LRRC4C: variants seen among roughly 807,000 people sequenced by gnomAD.
The protein encoded by LRRC4C is leucine rich repeat containing 4C, also known as leucine-rich repeat-containing protein 4C.
A neutral mutation model predicts 33.6 loss-of-function variants in LRRC4C; 5 were observed. The ratio of observed to expected loss-of-function variants is 0.15; its 90% CI spans 0.08 to 0.31. The LOEUF is 0.31. LRRC4C is among the 10% of genes least tolerant of loss of function. LRRC4C has a pLI of 1.00. For missense variants in LRRC4C, 560 were observed against 796.7 expected (o/e 0.70, Z 3.58); for synonymous variants, 329 against 302.0 (o/e 1.09, Z -0.93).
intron 2 of LRRC4C, among the ~76,000 whole-genome samples, chr11:40,693,914 C>G (rs1484597032): frequency 1.3e-5 from 2 of 152,182 alleles, no homozygotes; most frequent in African/African-American, 4.8e-5. Flanking sequence ...TATTACTTTT[C>G]TGCTATCAAT....
chr11:40,278,069 C>T (rs1308443590), intron 4 of LRRC4C, among the ~76,000 whole-genome samples: 2 of 152,124 alleles, frequency 1.3e-5, no homozygotes, highest in Non-Finnish European at 2.9e-5. Context: ...CTGAGCATGT[C>T]ACTGCATAAG....
In LRRC4C at chr11:40,283,949, C is replaced by T. The variant is rs190388058; in HGVS notation, c.-176+35679G>A. ...AACTCCCAACCTCAGTTGATCCACC[C>T]GTCTTAGCCTCCCAAAGTGCTGGGA... On this transcript the variant is annotated intron_variant, in intron 4 of 6. Coordinates refer to ENST00000528697, the MANE Select transcript of LRRC4C (RefSeq NM_001258419.2). 4.2e-4 allele frequency among the ~76,000 whole-genome samples: 64 copies of T among 152,074 alleles called. 2 individuals are homozygous for T. The East Asian group carries it at 0.012, about 28-fold the overall frequency.
At chr11:41,355,906 A>G (rs1224051942) in intron 1 of LRRC4C, among the ~76,000 whole-genome samples, 1 of 152,164 alleles carries the variant, frequency 6.6e-6, no homozygotes, top group African/African-American at 2.4e-5. Flanking sequence ...ACCAAATTTG[A>G]AGATGAACAC....
At chr11:40,615,767 T>A (rs1190938377) in intron 3 of LRRC4C, among the ~76,000 whole-genome samples, 1 of 151,702 alleles carries the variant, frequency 6.6e-6, no homozygotes, top group Non-Finnish European at 1.5e-5. Flanking sequence ...CCTCTTAACC[T>A]TAAAATTTGA....
chr11:40,890,295 G>T (rs927709416), intron 2 of LRRC4C, among the ~76,000 whole-genome samples: 1 of 152,134 alleles, frequency 6.6e-6, no homozygotes, highest in Non-Finnish European at 1.5e-5. Flanking sequence ...CTGGCACCTG[G>T]TCAGGGCTTT....
At chr11:40,658,242 C>T (rs1182959598) in intron 2 of LRRC4C, among the ~76,000 whole-genome samples, 1 of 152,176 alleles carries the variant, frequency 6.6e-6, no homozygotes, top group East Asian at 1.9e-4. Context: ...ATTTAGAACA[C>T]CTGCCCTTGG....
At chr11:40,914,019 G>A (rs1956823425) in intron 2 of LRRC4C, among the ~76,000 whole-genome samples, 1 of 151,992 alleles carries the variant, frequency 6.6e-6, no homozygotes, top group Non-Finnish European at 1.5e-5. Flanking sequence ...CTATCTGATT[G>A]ACCAAAAACA....
intron 1 of LRRC4C, among the ~76,000 whole-genome samples, chr11:41,067,404 C>G (rs1233103886): frequency 6.6e-6 from 1 of 152,164 alleles, no homozygotes; most frequent in African/African-American, 2.4e-5. Flanking sequence ...CAGGAGCACC[C>G]AGATTCATAA....
intron 5 of LRRC4C, among the ~76,000 whole-genome samples, chr11:40,143,893 A>G (rs531680074): frequency 6.6e-6 from 1 of 152,186 alleles, no homozygotes; most frequent in Non-Finnish European, 1.5e-5. Flanking sequence ...TTTATAGGTG[A>G]GGAAACTAAA....
At chr11:40,294,525 G>A (rs145371131) in intron 4 of LRRC4C, among the ~76,000 whole-genome samples, 23 of 152,176 alleles carry the variant, frequency 1.5e-4, no homozygotes, top group African/African-American at 5.3e-4. Flanking sequence ...CCAAGCTGAG[G>A]ATTAACACAG....
rs796918496 is a variant in LRRC4C at position 40,682,288 on chromosome 11, A to G, written c.-406-34010T>C. ...CCACCTTGAAAAAAAAAAAAAGCAT[A>G]AAAGTAACTCACTGTGCTAGAAAAG... On this transcript the variant is annotated intron_variant, in intron 2 of 6. Transcript: ENST00000528697. 4.4e-4 allele frequency among the ~76,000 whole-genome samples: 67 copies of G among 151,514 alleles called. 1 individual carries two copies. The highest frequency in any genetic ancestry group is 1.6e-3 in the African/African-American group (65 of 41,144).
At chr11:41,322,478 C>T (rs919998790) in intron 1 of LRRC4C, among the ~76,000 whole-genome samples, 2 of 151,908 alleles carry the variant, frequency 1.3e-5, no homozygotes, top group Non-Finnish European at 2.9e-5. Flanking sequence ...TCAGTAACTT[C>T]AATAGTTTCC....
At chr11:40,450,520 T>A (rs1270881724) in intron 3 of LRRC4C, among the ~76,000 whole-genome samples, 1 of 152,072 alleles carries the variant, frequency 6.6e-6, no homozygotes, top group Non-Finnish European at 1.5e-5. Context: ...CCTAAAATTA[T>A]TTTTTAAAAC....
At chr11:40,663,801 T>C (rs939593611) in intron 2 of LRRC4C, among the ~76,000 whole-genome samples, 2 of 152,156 alleles carry the variant, frequency 1.3e-5, no homozygotes, top group African/African-American at 4.8e-5. Context: ...GGAACTAAAA[T>C]GAAACATTAG....
At chr11:40,429,053 T>G (rs2137826191) in intron 3 of LRRC4C, among the ~76,000 whole-genome samples, 1 of 152,312 alleles carries the variant, frequency 6.6e-6, no homozygotes. Context: ...TCTTCAAAAT[T>G]TAACTTTTCC....
intron 1 of LRRC4C, among the ~76,000 whole-genome samples, chr11:41,115,756 T>C (rs1056847285): frequency 2.0e-5 from 3 of 152,128 alleles, no homozygotes; most frequent in Admixed American, 1.3e-4. Flanking sequence ...CTCCCCGGAT[T>C]GTGCACTAAC....
chr11:41,444,964 C>A (rs574898488), intron 1 of LRRC4C, among the ~76,000 whole-genome samples: 1 of 151,948 alleles, frequency 6.6e-6, no homozygotes, highest in Non-Finnish European at 1.5e-5. Context: ...TCACCACGCC[C>A]GGCTAATTTT....
In LRRC4C at chr11:40,329,737, C is replaced by CTTTTTTTT. The variant is rs199598860; in HGVS notation, c.-269-10024_-269-10017dup. On this transcript the variant is annotated intron_variant, in intron 3 of 6. Coordinates refer to ENST00000528697, the MANE Select transcript of LRRC4C (RefSeq NM_001258419.2). ...GTAGTTACTTTCTTACTTTCTTTTT[C>CTTTTTTTT]TTTTTTTTTTTTTTTTTTTTTTGAG... Among the ~76,000 whole-genome samples the CTTTTTTTT allele has an allele frequency of 1.8e-4, 22 of 120,430 alleles. 1 individual carries two copies. Among genetic ancestry groups the CTTTTTTTT allele is most frequent in the African/African-American group, 4.4e-4 (14 of 31,908 alleles). The allele number at this position is 120,430 out of a possible 152,430, so 79.0% of individuals were successfully genotyped here. A position where few individuals can be genotyped will look rare whatever the true frequency, so the allele number is the denominator to read the frequency against.
intron 1 of LRRC4C, among the ~76,000 whole-genome samples, chr11:40,939,835 ACCTGTCATCAGATCAT>A (rs967526781): frequency 1.3e-5 from 2 of 152,174 alleles, no homozygotes; most frequent in African/African-American, 4.8e-5. Flanking sequence ...TTGTTCAATT[ACCTGTCATCAGATCAT>A]TTGTTTTATC....
Sources: gnomAD v4.1 joint callset for allele counts (sites outside exome capture counted in the v4.1 genomes callset) on GRCh38, gnomAD v4.1.1 for gene constraint, MANE v1.5 for transcripts, NCBI Gene and HGNC (gene_info 2026-07-23, HGNC 2026-07-21) for gene names.